Variants in TSHZ2 observed in about 807,000 individuals in gnomAD.
The protein encoded by TSHZ2 is teashirt homolog 2.
In TSHZ2, 21 loss-of-function variants were observed where a neutral mutation model predicts 74.4. The observed-to-expected ratio is 0.28, with a 90% CI of 0.20 to 0.41. TSHZ2 has a LOEUF of 0.41. Ranked by LOEUF, TSHZ2 falls within the 10% of genes least tolerant of loss-of-function variation. The pLI, the probability that TSHZ2 is intolerant of heterozygous loss-of-function variation, is 1.00. For missense variants in TSHZ2, 1,244 were observed against 1,293.5 expected, an observed-to-expected ratio of 0.96 and a Z score of 0.59; for synonymous variants, 540 against 515.3, an observed-to-expected ratio of 1.05 and a Z score of -0.65.
intron 1 of TSHZ2, among the ~76,000 whole-genome samples, chr20:52,995,386 A>G (rs1479627829): frequency 6.6e-6 from 1 of 152,156 alleles, no homozygotes. Flanking sequence ...ACCTTAACCT[A>G]CATAGGTTTC....
intron 2 of TSHZ2, among the ~76,000 whole-genome samples, chr20:53,285,824 G>C (rs192287191): frequency 6.6e-6 from 1 of 152,136 alleles, no homozygotes; most frequent in African/African-American, 2.4e-5. Flanking sequence ...TTTCCACAAA[G>C]GATCTGTCAG....
chr20:53,039,722 G>A (rs935313407), intron 1 of TSHZ2, among the ~76,000 whole-genome samples: 3 of 152,080 alleles, frequency 2.0e-5, no homozygotes, highest in Non-Finnish European at 4.4e-5. Flanking sequence ...GGAGGTTGCA[G>A]TGAGCAGAGA....
chr20:53,147,192 A>G (rs910713017), intron 1 of TSHZ2, among the ~76,000 whole-genome samples: 1 of 152,150 alleles, frequency 6.6e-6, no homozygotes, highest in Non-Finnish European at 1.5e-5. Context: ...GGCTTTATAC[A>G]TGGATAAATC....
At chr20:53,163,431 C>CTTTTATTTTA (rs202010008) in intron 1 of TSHZ2, among the ~76,000 whole-genome samples, 1 of 129,842 alleles carries the variant, frequency 7.7e-6, no homozygotes, top group African/African-American at 3.1e-5. Context: ...CAAGAAGAGC[C>CTTTTATTTTA]TTTTATTTTA....
At chr20:53,275,343 G>A (rs181906643) in intron 2 of TSHZ2, among the ~76,000 whole-genome samples, 1 of 152,122 alleles carries the variant, frequency 6.6e-6, no homozygotes, top group East Asian at 1.9e-4. Context: ...TTGTAGAGAG[G>A]CCCTTATGTT....
At chr20:53,095,212 G>T (rs1986002660) in intron 1 of TSHZ2, among the ~76,000 whole-genome samples, 1 of 152,166 alleles carries the variant, frequency 6.6e-6, no homozygotes, top group South Asian at 2.1e-4. Flanking sequence ...TGCTATGTTG[G>T]CTCTATCCTG....
chr20:52,981,163 G>A (rs1040816765), intron 1 of TSHZ2, among the ~76,000 whole-genome samples: 5 of 152,200 alleles, frequency 3.3e-5, no homozygotes, highest in Non-Finnish European at 5.9e-5. Context: ...TTAGATTTGA[G>A]ACTGTGGATG....
chr20:53,153,985 T>A (rs1158356130), intron 1 of TSHZ2, among the ~76,000 whole-genome samples: 1 of 152,188 alleles, frequency 6.6e-6, no homozygotes, highest in African/African-American at 2.4e-5. Flanking sequence ...GTCCTTGTGA[T>A]CTAGTCTCAG....
rs111458192 is a variant in TSHZ2, at chr20:53,175,737, G to A, written c.41-77762G>A. Among the ~76,000 whole-genome samples the A allele has an allele frequency of 2.1e-3, 315 of 152,228 alleles. 3 individuals carry two copies. The highest frequency in any genetic ancestry group is 6.8e-3 in the Middle Eastern group (2 of 294). On this transcript the variant is annotated intron_variant, in intron 1 of 2. Coordinates refer to ENST00000371497, the MANE Select transcript of TSHZ2 (RefSeq NM_173485.6). ...TAGTGCCAGAATGAGAAGTTCCATCGGCTCCTCTAGATTGCTTGGATTCAG... is the reference window on the plus strand; with the variant it reads ...TAGTGCCAGAATGAGAAGTTCCATCAGCTCCTCTAGATTGCTTGGATTCAG...
At position 53,044,774 on chromosome 20, in the gene TSHZ2, A is replaced by G. The variant is rs117088711; in HGVS notation, c.40+71441A>G. Among the ~76,000 whole-genome samples the G allele has an allele frequency of 1.3e-3, 197 of 152,230 alleles. 3 individuals are homozygous for G. In the East Asian group the frequency reaches 0.036, roughly 28 times the overall value. ...GGCCAGGCTGGAGTACAGTGATGCA[A>G]TCACAGCTCGCTGCAGCCCTGAACT... On this transcript the variant is annotated intron_variant, in intron 1 of 2. Coordinates refer to ENST00000371497, the MANE Select transcript of TSHZ2 (RefSeq NM_173485.6).
intron 1 of TSHZ2, among the ~76,000 whole-genome samples, chr20:53,107,839 G>A (rs1299914822): frequency 6.6e-6 from 1 of 152,104 alleles, no homozygotes; most frequent in Non-Finnish European, 1.5e-5. Flanking sequence ...AATGAAAGGA[G>A]AGCCTCTTTC....
chr20:53,245,290 G>A (rs549995102), intron 1 of TSHZ2, among the ~76,000 whole-genome samples: 2 of 152,284 alleles, frequency 1.3e-5, no homozygotes, highest in South Asian at 4.1e-4. Context: ...AGTACACCAA[G>A]GTCTGCCTGA....
intron 1 of TSHZ2, among the ~76,000 whole-genome samples, chr20:53,012,011 G>A (rs149312340): frequency 6.6e-6 from 1 of 152,324 alleles, no homozygotes; most frequent in African/African-American, 2.4e-5. Context: ...TCTTATGCTA[G>A]TCAGTGATAC....
At chr20:53,168,234 G>A (rs372542636) in intron 1 of TSHZ2, among the ~76,000 whole-genome samples, 6 of 152,066 alleles carry the variant, frequency 3.9e-5, no homozygotes, top group African/African-American at 7.2e-5. Context: ...CCTGTATATC[G>A]TCGGACGTGT....
At position 53,204,429 on chromosome 20, in the gene TSHZ2, A is replaced by G. The variant is rs118188923; in HGVS notation, c.41-49070A>G. On this transcript the variant is annotated intron_variant, in intron 1 of 2. Transcript: ENST00000371497. The stretch of plus-strand genomic sequence containing the variant: ...TAACATGATGATATGATACTATTAT[A>G]TCATAATATGATATAATATTTTGGA... 2.5e-3 allele frequency among the ~76,000 whole-genome samples: 384 copies of G among 150,654 alleles called. 21 individuals are homozygous for G. The East Asian group carries it at 0.061, about 24-fold the overall frequency.
At chr20:53,058,167 C>T (rs548402626) in intron 1 of TSHZ2, among the ~76,000 whole-genome samples, 12 of 152,272 alleles carry the variant, frequency 7.9e-5, no homozygotes, top group South Asian at 2.1e-4. Context: ...AGGCTCAGCT[C>T]GGGCCATAAG....
intron 1 of TSHZ2, among the ~76,000 whole-genome samples, chr20:53,248,114 AGACT>A (rs1990246315): frequency 6.6e-6 from 1 of 152,204 alleles, no homozygotes; most frequent in Non-Finnish European, 1.5e-5. Context: ...TGTGTCACCC[AGACT>A]GCAGGGCAGT....
At chr20:53,180,720 T>C (rs1988447216) in intron 1 of TSHZ2, among the ~76,000 whole-genome samples, 1 of 152,164 alleles carries the variant, frequency 6.6e-6, no homozygotes, top group African/African-American at 2.4e-5. Flanking sequence ...CAAAGCAGAA[T>C]GTATGTATGT....
intron 1 of TSHZ2, among the ~76,000 whole-genome samples, chr20:53,148,642 G>T (rs1246969028): frequency 1.3e-5 from 2 of 152,098 alleles, no homozygotes; most frequent in African/African-American, 2.4e-5. Context: ...AATATGTATG[G>T]ATCATGGGGT....
Sources: allele counts gnomAD v4.1 joint callset (sites outside exome capture counted in the v4.1 genomes callset), GRCh38; gene constraint gnomAD v4.1.1; transcripts MANE v1.5; gene names NCBI Gene and HGNC (gene_info 2026-07-23, HGNC 2026-07-21).